The following ARMC9 variants were observed in gnomAD, a reference collection of about 807,000 sequenced individuals.
ARMC9 encodes armadillo repeat containing 9.
ARMC9 carries 94 observed loss-of-function variants against 107.0 expected under a neutral mutation model. The ratio of observed to expected loss-of-function variants is 0.88; its 90% CI spans 0.74 to 1.04. ARMC9 has a LOEUF of 1.04. Among genes scored for constraint, ARMC9 ranks in the 50% least tolerant of loss-of-function variants. ARMC9 has a pLI of 0.00. For missense variants in ARMC9, 942 were observed against 1,030.1 expected (o/e 0.91, Z 1.17); for synonymous variants, 380 against 396.9 (o/e 0.96, Z 0.51).
intron 9 of ARMC9, among the ~76,000 whole-genome samples, chr2:231,249,338 C>T (rs1403643546): frequency 6.6e-6 from 1 of 152,098 alleles, no homozygotes; most frequent in Non-Finnish European, 1.5e-5. Context: ...CCGAGAAGTC[C>T]CGCGGGAGAA....
chr2:231,326,214 TC>T (rs2043307485), intron 19 of ARMC9, among the ~76,000 whole-genome samples: 2 of 152,314 alleles, frequency 1.3e-5, no homozygotes, highest in African/African-American at 4.8e-5. Flanking sequence ...AAGTCCAGAT[TC>T]CTAGACTCAG....
chr2:231,298,103 T>C (rs1316010965), intron 19 of ARMC9, among the ~76,000 whole-genome samples: 2 of 152,260 alleles, frequency 1.3e-5, no homozygotes, highest in Non-Finnish European at 2.9e-5. Flanking sequence ...GGACTTTTGC[T>C]ACTCTTTTAA....
chr2:231,256,480 C>T (rs2037829881), intron 9 of ARMC9, 106 bp from the exon 10 acceptor site: 3 of 1,410,266 alleles, frequency 2.1e-6, no homozygotes, highest in Non-Finnish European at 3.0e-6. Flanking sequence ...ACCCAAAAAA[C>T]CTAACTTGCA....
intron 8 of ARMC9, among the ~76,000 whole-genome samples, chr2:231,236,371 G>A (rs569505651): frequency 5.9e-5 from 9 of 152,102 alleles, no homozygotes; most frequent in Non-Finnish European, 2.9e-5. Context: ...ATGGCCTATG[G>A]GATAGTGTTG....
At position 231,358,728 on chromosome 2, in the gene ARMC9, G is replaced by C. The variant is rs1483154545; in HGVS notation, c.2132-2026G>C. Among the ~76,000 whole-genome samples, 3 of 152,178 alleles carry C rather than the reference G, an allele frequency of 2.0e-5. No homozygotes were observed. The highest frequency in any genetic ancestry group is 7.2e-5 in the African/African-American group (3 of 41,444). On this transcript the variant is annotated intron_variant, in intron 22 of 24. Transcript: ENST00000611582. This position sits in a 1 kb window ranked among gnomAD's most constrained non-coding sequence, Gnocchi z 4.5. The stretch of plus-strand genomic sequence containing the variant: ...AAAACTCATGAGGAGGAACCTGTTG[G>C]ACCCTCAAACTGCTTGATCGGTTGA...
rs754901782 is a variant in ARMC9, at chr2:231,276,638, G to T, written c.1337G>T (p.Arg446Leu). ...TACCGTAGGCTCTTTCTTCCCAGGC[G>T]CCCGCTGCAGACAGCGATGATTCAA... is the stretch of plus-strand genomic sequence containing the variant. ...LGALQKFSLR[R>L]PLQTAMIQDG... Residue 446 changes from arginine to leucine, a missense_variant and splice_region_variant, in exon 15 of 25, where the codon CGC (arginine) becomes CTC (leucine). Coordinates refer to ENST00000611582, the MANE Select transcript of ARMC9 (RefSeq NM_001352754.2). 1.2e-6 allele frequency: 2 copies of T among 1,614,032 alleles called. No individual in the cohort carries two copies. The highest frequency in any genetic ancestry group is 1.7e-5 in the Admixed American group (1 of 60,006).
intron 3 of ARMC9, among the ~76,000 whole-genome samples, chr2:231,210,428 C>T (rs2032660121): frequency 6.6e-6 from 1 of 152,228 alleles, no homozygotes; most frequent in African/African-American, 2.4e-5. Flanking sequence ...ACCTGGCTTC[C>T]CTGGTTCTTT....
chr2:231,316,675 A>G (rs146762258), intron 19 of ARMC9, among the ~76,000 whole-genome samples: 4,785 of 150,586 alleles, frequency 0.032, 255 homozygotes, highest in African/African-American at 0.11. Context: ...AAAAAAAAAA[A>G]AGAAAGAAAA....
chr2:231,267,517 C>G (rs2038959024), intron 12 of ARMC9, among the ~76,000 whole-genome samples: 1 of 152,206 alleles, frequency 6.6e-6, no homozygotes, highest in South Asian at 2.1e-4. Context: ...AGGTGTGAAC[C>G]ACTGCACCCG....
intron 12 of ARMC9, among the ~76,000 whole-genome samples, chr2:231,267,228 A>AT (rs1366235803): frequency 6.6e-6 from 1 of 151,884 alleles, no homozygotes; most frequent in African/African-American, 2.4e-5. Context: ...CAACAGCAAT[A>AT]TTTATTTTTT....
chr2:231,303,394 C>G (rs1351861024), intron 19 of ARMC9, among the ~76,000 whole-genome samples: 1 of 152,158 alleles, frequency 6.6e-6, no homozygotes, highest in South Asian at 2.1e-4. Context: ...AGTACAATGC[C>G]AAATAGAAGT....
rs908167834 is a variant in ARMC9 at position 231,262,369 on chromosome 2, G to C, written c.1090G>C (p.Asp364His). Residue 364 changes from aspartate to histidine, a missense_variant, in exon 12 of 25, where the codon GAC (aspartate) becomes CAC (histidine). By Grantham distance (81) the Asp-to-His change is moderately conservative. Transcript: ENST00000611582. ...CGTTCTGCAAGCCTACATCAGCAAT[G>C]ACCTCTTGGACTGTTATAGCCACAA... Reference protein sequence around the residue: ...ETVLQAYISNDLLDCYSHNQR... With the variant: ...ETVLQAYISNHLLDCYSHNQR... 1.5e-5 allele frequency: 24 copies of C among 1,614,032 alleles called. No homozygotes were observed. The highest frequency in any genetic ancestry group is 2.0e-5 in the Non-Finnish European group (24 of 1,180,018).
At chr2:231,256,349 T>C in intron 9 of ARMC9, 1 of 1,480,678 alleles carries the variant, frequency 6.8e-7, no homozygotes, top group South Asian at 1.2e-5. Flanking sequence ...TTCGACCACT[T>C]GGCCGATGGG....
At chr2:231,276,364 G>A (rs550494850) in intron 14 of ARMC9, among the ~76,000 whole-genome samples, 25 of 151,528 alleles carry the variant, frequency 1.6e-4, no homozygotes, top group Middle Eastern at 3.4e-3. Flanking sequence ...TCTGCCTCCC[G>A]GGTTCAAGCA....
intron 20 of ARMC9, among the ~76,000 whole-genome samples, chr2:231,339,180 T>C (rs2044333305): frequency 6.6e-6 from 1 of 151,472 alleles, no homozygotes; most frequent in Non-Finnish European, 1.5e-5. Context: ...ATACAAAAAT[T>C]AGCCAGGCGT....
At position 231,255,589 on chromosome 2, in the gene ARMC9, G is replaced by A. The variant is rs1170765351; in HGVS notation, c.880-997G>A. ...AAAGGAATCAAAGAATGGTTACTCCGTAGGCAGAGCAGCCTCTAGAGTTTT... is the reference window on the plus strand; with the variant it reads ...AAAGGAATCAAAGAATGGTTACTCCATAGGCAGAGCAGCCTCTAGAGTTTT... On this transcript the variant is annotated intron_variant, in intron 9 of 24. Transcript: ENST00000611582. The surrounding 1 kb of genome is among the most constrained non-coding windows in gnomAD (Gnocchi z 4.7). Among the ~76,000 whole-genome samples, 3 of 151,976 alleles carry A rather than the reference G, an allele frequency of 2.0e-5. No homozygotes were observed. The highest frequency in any genetic ancestry group is 7.3e-5 in the African/African-American group (3 of 41,332).
chr2:231,308,047 A>T (rs2042128158), intron 19 of ARMC9, among the ~76,000 whole-genome samples: 1 of 152,162 alleles, frequency 6.6e-6, no homozygotes, highest in Non-Finnish European at 1.5e-5. Context: ...GGAAGGATGA[A>T]TTGGAGCCAG....
At chr2:231,345,946 A>T (rs529784200) in intron 21 of ARMC9, among the ~76,000 whole-genome samples, 1 of 152,206 alleles carries the variant, frequency 6.6e-6, no homozygotes, top group African/African-American at 2.4e-5. Flanking sequence ...GCCTGCCCTC[A>T]TGGAGCTCTG....
intron 12 of ARMC9, among the ~76,000 whole-genome samples, chr2:231,268,055 G>A (rs1213092691): frequency 2.0e-5 from 3 of 152,170 alleles, no homozygotes; most frequent in Non-Finnish European, 2.9e-5. Context: ...GAGACCCTGG[G>A]TGAATATCAC....
Sources: gnomAD v4.1 joint callset for allele counts (sites outside exome capture counted in the v4.1 genomes callset) on GRCh38, gnomAD v4.1.1 for gene constraint, Gnocchi (gnomAD v3.1) non-coding constraint, MANE v1.5 for transcripts, NCBI Gene and HGNC (gene_info 2026-07-23, HGNC 2026-07-21) for gene names.